Variants in KCNQ5 observed in about 807,000 individuals in gnomAD.
The protein encoded by KCNQ5 is potassium voltage-gated channel subfamily Q member 5.
A neutral mutation model predicts 98.2 loss-of-function variants in KCNQ5; 30 were observed. The ratio of observed to expected loss-of-function variants is 0.31; its 90% CI spans 0.23 to 0.41. KCNQ5 has a LOEUF of 0.41. Ranked by LOEUF, KCNQ5 falls within the 10% of genes least tolerant of loss-of-function variation. The pLI is 1.00. For missense variants in KCNQ5, 835 were observed against 1,182.5 expected, an observed-to-expected ratio of 0.71 and a Z score of 4.31; for synonymous variants, 458 against 449.4, an observed-to-expected ratio of 1.02 and a Z score of -0.24.
At chr6:73,168,473 C>T (rs980880969) in intron 10 of KCNQ5, among the ~76,000 whole-genome samples, 2 of 152,154 alleles carry the variant, frequency 1.3e-5, no homozygotes, top group African/African-American at 4.8e-5. Flanking sequence ...GAGGCCAAGG[C>T]AGACGGGTCA....
intron 1 of KCNQ5, among the ~76,000 whole-genome samples, chr6:72,704,698 T>G (rs1412248965): frequency 6.6e-6 from 1 of 152,184 alleles, no homozygotes; most frequent in Non-Finnish European, 1.5e-5. Context: ...TAGAATTACC[T>G]TTTAAAACAT....
At chr6:72,900,944 T>C in intron 1 of KCNQ5, among the ~76,000 whole-genome samples, 1 of 152,204 alleles carries the variant, frequency 6.6e-6, no homozygotes, top group East Asian at 1.9e-4. Flanking sequence ...CATTTGTATA[T>C]CTTCTTTTGA....
At chr6:72,698,323 C>T (rs1768609166) in intron 1 of KCNQ5, among the ~76,000 whole-genome samples, 2 of 152,160 alleles carry the variant, frequency 1.3e-5, no homozygotes, top group African/African-American at 4.8e-5. Flanking sequence ...CCTGCCTCAG[C>T]CTCCTGAGTA....
At position 72,821,857 on chromosome 6, in the gene KCNQ5, T is replaced by C. The variant is rs147108133; in HGVS notation, c.399-182051T>C. Among the ~76,000 whole-genome samples, 182 of 152,162 alleles carry C rather than the reference T, an allele frequency of 1.2e-3. 2 individuals are homozygous for C. Among genetic ancestry groups the C allele is most frequent in the African/African-American group, 4.3e-3 (180 of 41,546 alleles). On this transcript the variant is annotated intron_variant, in intron 1 of 13. Coordinates refer to ENST00000370398, the MANE Select transcript of KCNQ5 (RefSeq NM_019842.4). ...AAAGCTGCCCTCAGAGAACTCTATG[T>C]AGTGATTTCTAGTTTTTCTCTCCAG...
intron 10 of KCNQ5, among the ~76,000 whole-genome samples, chr6:73,150,191 A>C (rs1002861335): frequency 2.2e-4 from 33 of 151,682 alleles, no homozygotes; most frequent in Non-Finnish European, 3.7e-4. Context: ...TGGCTGAAAC[A>C]AAAAAAACTA....
chr6:73,056,495 TCAGAA>T (rs762611090), intron 3 of KCNQ5, among the ~76,000 whole-genome samples: 33 of 152,200 alleles, frequency 2.2e-4, no homozygotes, highest in Admixed American at 1.3e-4. Context: ...CATGTGGTCA[TCAGAA>T]CATAAGCCAT....
intron 1 of KCNQ5, among the ~76,000 whole-genome samples, chr6:72,950,684 C>T (rs901214571): frequency 1.4e-5 from 2 of 146,542 alleles, no homozygotes; most frequent in African/African-American, 4.9e-5. Flanking sequence ...GTGTGTGTGT[C>T]GGAGGGCATT....
rs527600082 is a variant in KCNQ5, at chr6:73,052,833, G to A, written c.616+10771G>A. ...ATGCCAAAAAGCAACCACACAAACA[G>A]ATCTGCATAATAACCAATTAACAAC... On this transcript the variant is annotated intron_variant, in intron 3 of 13. Transcript: ENST00000370398. Among the ~76,000 whole-genome samples, 133 of 152,164 alleles carry A rather than the reference G, an allele frequency of 8.7e-4. 2 individuals are homozygous for A. In the Middle Eastern group the frequency reaches 0.027, roughly 31 times the overall value.
chr6:72,774,377 T>C (rs1196555646), intron 1 of KCNQ5, among the ~76,000 whole-genome samples: 1 of 152,122 alleles, frequency 6.6e-6, no homozygotes, highest in East Asian at 1.9e-4. Context: ...CAGGCTATAG[T>C]TTTCCAATCC....
At chr6:72,801,532 G>A (rs1409620805) in intron 1 of KCNQ5, among the ~76,000 whole-genome samples, 2 of 136,118 alleles carry the variant, frequency 1.5e-5, no homozygotes, top group Non-Finnish European at 3.1e-5. Flanking sequence ...CTGCACGTGA[G>A]ATGGGTTTCC....
rs564751528 is a variant in KCNQ5, at chr6:72,627,404, C to T, written c.398+4817C>T. 1.9e-4 allele frequency among the ~76,000 whole-genome samples: 29 copies of T among 152,224 alleles called. No homozygotes were observed. In the South Asian group the frequency reaches 5.8e-3, roughly 31 times the overall value. ...GAAAAGCTTTACAGCAACCCAAAGG[C>T]CGAGGGAAAGCCTGGGAGATCTTAT... On this transcript the variant is annotated intron_variant, in intron 1 of 13. Coordinates refer to ENST00000370398, the MANE Select transcript of KCNQ5 (RefSeq NM_019842.4).
At chr6:72,826,699 A>G (rs746121119) in intron 1 of KCNQ5, among the ~76,000 whole-genome samples, 1 of 152,076 alleles carries the variant, frequency 6.6e-6, no homozygotes, top group Non-Finnish European at 1.5e-5. Flanking sequence ...ATCATCTCTA[A>G]TATTTATCAT....
chr6:73,008,981 C>G (rs1183491219), intron 2 of KCNQ5, among the ~76,000 whole-genome samples: 6 of 152,126 alleles, frequency 3.9e-5, no homozygotes, highest in African/African-American at 1.4e-4. Context: ...AATTAAACAG[C>G]ATGCCTTTGT....
intron 10 of KCNQ5, among the ~76,000 whole-genome samples, chr6:73,161,656 C>T (rs767332562): frequency 1.2e-4 from 19 of 152,048 alleles, no homozygotes; most frequent in Non-Finnish European, 2.8e-4. Flanking sequence ...GAATCTAATC[C>T]GTAAAAGAAG....
At chr6:72,697,319 C>T (rs1768552118) in intron 1 of KCNQ5, among the ~76,000 whole-genome samples, 2 of 151,922 alleles carry the variant, frequency 1.3e-5, no homozygotes, top group South Asian at 4.2e-4. Context: ...GTGGAAGGAG[C>T]AAGTGGGATG....
At chr6:72,830,857 G>A (rs1036127645) in intron 1 of KCNQ5, among the ~76,000 whole-genome samples, 3 of 152,014 alleles carry the variant, frequency 2.0e-5, no homozygotes, top group Admixed American at 2.0e-4. Context: ...CTAATATCCA[G>A]AATCTACAAA....
At chr6:72,814,473 C>T (rs1245865664) in intron 1 of KCNQ5, among the ~76,000 whole-genome samples, 1 of 152,202 alleles carries the variant, frequency 6.6e-6, no homozygotes, top group Non-Finnish European at 1.5e-5. Context: ...ATAAAATACT[C>T]TAGCTCACTC....
chr6:72,661,340 GT>G (rs1766514328), intron 1 of KCNQ5, among the ~76,000 whole-genome samples: 2 of 151,850 alleles, frequency 1.3e-5, no homozygotes, highest in Admixed American at 1.3e-4. Flanking sequence ...TTTTTCTTTA[GT>G]CCTATCATGC....
At chr6:72,780,833 TG>T (rs1275535196) in intron 1 of KCNQ5, among the ~76,000 whole-genome samples, 4 of 152,194 alleles carry the variant, frequency 2.6e-5, no homozygotes, top group African/African-American at 9.7e-5. Context: ...AATTATAAGC[TG>T]TCACTTACTC....
Sources: gnomAD v4.1 joint callset for allele counts (sites outside exome capture counted in the v4.1 genomes callset) on GRCh38, gnomAD v4.1.1 for gene constraint, MANE v1.5 for transcripts, NCBI Gene and HGNC (gene_info 2026-07-23, HGNC 2026-07-21) for gene names.